TENM2: variants seen among roughly 807,000 people sequenced by gnomAD.
TENM2 encodes teneurin transmembrane protein 2.
Under a neutral mutation model 245.2 loss-of-function variants are expected in TENM2, and 52 were observed. The ratio of observed to expected loss-of-function variants is 0.21; its 90% CI spans 0.17 to 0.27. TENM2 has a LOEUF of 0.27. Among genes scored for constraint, TENM2 ranks in the 10% least tolerant of loss-of-function variants. TENM2 has a pLI of 1.00. For missense variants in TENM2, 3,046 were observed against 3,666.8 expected (o/e 0.83, Z 4.37); for synonymous variants, 1,363 against 1,438.9 (o/e 0.95, Z 1.19).
chr5:168,235,755 C>A (rs528363561), intron 25 of TENM2, among the ~76,000 whole-genome samples: 2 of 151,562 alleles, frequency 1.3e-5, no homozygotes, highest in Admixed American at 1.3e-4. Flanking sequence ...TGCAGTAAGC[C>A]GAGATGGCAC....
intron 3 of TENM2, among the ~76,000 whole-genome samples, chr5:167,916,567 T>C (rs1776957347): frequency 6.6e-6 from 1 of 152,040 alleles, no homozygotes. Flanking sequence ...CCAAAAATTA[T>C]ACTCACTTCA....
chr5:167,213,803 G>A, the TENM2 span, among the ~76,000 whole-genome samples: 2 of 152,146 alleles, frequency 1.3e-5, no homozygotes, highest in Non-Finnish European at 2.9e-5. Context: ...ATTCCTATGG[G>A]AAAATTTACC....
chr5:167,445,367 A>AGAGAGAGAGAGAGAGAGT (rs1281668446), intron 2 of TENM2, among the ~76,000 whole-genome samples: 1 of 98,070 alleles, frequency 1.0e-5, no homozygotes. Context: ...AGAGAGAGAG[A>AGAGAGAGAGAGAGAGAGT]GAGTGTCAGG....
intron 12 of TENM2, chr5:168,139,606 A>G (rs1755355310): frequency 4.4e-6 from 2 of 455,996 alleles, no homozygotes; most frequent in Admixed American, 4.7e-5. Context: ...TAATGAGGGC[A>G]CTATGAATTA....
intron 2 of TENM2, among the ~76,000 whole-genome samples, chr5:167,756,765 C>T (rs944334483): frequency 6.6e-6 from 1 of 152,130 alleles, no homozygotes; most frequent in Non-Finnish European, 1.5e-5. Context: ...CCTAGGAACA[C>T]ATTGTAGGAC....
At chr5:167,568,005 A>G (rs1490059537) in intron 2 of TENM2, among the ~76,000 whole-genome samples, 1 of 152,092 alleles carries the variant, frequency 6.6e-6, no homozygotes, top group African/African-American at 2.4e-5. Context: ...CGCTCATGTA[A>G]CCTTCAGTAT....
intron 2 of TENM2, among the ~76,000 whole-genome samples, chr5:167,736,739 G>T (rs564629205): frequency 1.4e-4 from 21 of 151,606 alleles, no homozygotes; most frequent in Middle Eastern, 3.4e-3. Context: ...ATTTGGAGAG[G>T]AAGGAATCCC....
rs1417053987 is a variant in TENM2 at position 167,713,580 on chromosome 5, T to TCATGTGCATATGCAGACATGCACATA, written c.503-162397_503-162372dup. Among the ~76,000 whole-genome samples, 311 of 152,148 alleles carry TCATGTGCATATGCAGACATGCACATA rather than the reference T, an allele frequency of 2.0e-3. 1 individual carries two copies. Among genetic ancestry groups the TCATGTGCATATGCAGACATGCACATA allele is most frequent in the African/African-American group, 7.3e-3 (303 of 41,500 alleles). ...CATGCGCACACCCCCACCACCACAT[T>TCATGTGCATATGCAGACATGCACATA]CATGTGCATATGCAGACATGCACAT... is the stretch of plus-strand genomic sequence containing the variant. On this transcript the variant is annotated intron_variant, in intron 2 of 28. Transcript: ENST00000518659.
chr5:167,503,496 ATG>A (rs1769344867), intron 2 of TENM2, among the ~76,000 whole-genome samples: 2 of 149,886 alleles, frequency 1.3e-5, no homozygotes, highest in South Asian at 4.4e-4. Context: ...ATCTAAATGT[ATG>A]TGTCAGAATA....
rs139800051 is a variant in TENM2 at position 167,777,963 on chromosome 5, C to T, written c.503-98023C>T. Among the ~76,000 whole-genome samples, 714 of 152,316 alleles carry T rather than the reference C, an allele frequency of 4.7e-3. 3 individuals are homozygous for T. Among genetic ancestry groups the T allele is most frequent in the Middle Eastern group, 0.024 (7 of 294 alleles). On this transcript the variant is annotated intron_variant, in intron 2 of 28. Transcript: ENST00000518659. ...TGCCTGTTTTTGTAAATAATGTTTT[C>T]TTGGAACATAGCCCTGCCATTCATT...
chr5:167,915,392 T>G (rs187641494), intron 3 of TENM2, among the ~76,000 whole-genome samples: 1 of 152,288 alleles, frequency 6.6e-6, no homozygotes. Flanking sequence ...TGAGCTTTCA[T>G]GTAAGGTGTC....
At chr5:167,473,291 T>A (rs1767152713) in intron 2 of TENM2, among the ~76,000 whole-genome samples, 1 of 152,198 alleles carries the variant, frequency 6.6e-6, no homozygotes, top group Admixed American at 6.5e-5. Context: ...CTCTTATTGA[T>A]GTTAACAATA....
At chr5:166,989,530 G>T in the TENM2 span, among the ~76,000 whole-genome samples, 2 of 151,918 alleles carry the variant, frequency 1.3e-5, no homozygotes, top group Non-Finnish European at 2.9e-5. Flanking sequence ...ACAGGCATGA[G>T]CCACAGTGCC....
chr5:167,089,494 A>G, the TENM2 span, among the ~76,000 whole-genome samples: 1 of 152,214 alleles, frequency 6.6e-6, no homozygotes, highest in Admixed American at 6.5e-5. Flanking sequence ...TATAGATTCC[A>G]AAAGAGATTA....
At chr5:167,141,598 G>T in the TENM2 span, among the ~76,000 whole-genome samples, 1 of 152,116 alleles carries the variant, frequency 6.6e-6, no homozygotes, top group Admixed American at 6.5e-5. Context: ...TGTATTCATT[G>T]CCAGTGACAG....
intron 12 of TENM2, among the ~76,000 whole-genome samples, chr5:168,140,952 A>G (rs1562207788): frequency 6.6e-6 from 1 of 152,066 alleles, no homozygotes. Flanking sequence ...CCTTGGATAG[A>G]ACACCCGAGA....
At chr5:167,211,176 A>G in the TENM2 span, among the ~76,000 whole-genome samples, 1 of 152,178 alleles carries the variant, frequency 6.6e-6, no homozygotes, top group Non-Finnish European at 1.5e-5. Context: ...TTCTGCTTTT[A>G]TTAAACCAAT....
At chr5:167,982,945 G>A (rs1199255697) in intron 4 of TENM2, among the ~76,000 whole-genome samples, 2 of 152,196 alleles carry the variant, frequency 1.3e-5, no homozygotes, top group Admixed American at 6.5e-5. Flanking sequence ...CTCCTTGGCT[G>A]TGTCTGAGGG....
chr5:167,644,482 A>G (rs779651891), intron 2 of TENM2, among the ~76,000 whole-genome samples: 19 of 152,196 alleles, frequency 1.2e-4, no homozygotes, highest in Non-Finnish European at 2.1e-4. Flanking sequence ...CAGTAGGTGG[A>G]TTTGTAATGA....
Sources: gnomAD v4.1 joint callset for allele counts (sites outside exome capture counted in the v4.1 genomes callset) on GRCh38, gnomAD v4.1.1 for gene constraint, MANE v1.5 for transcripts, NCBI Gene and HGNC (gene_info 2026-07-23, HGNC 2026-07-21) for gene names.